The following KCNB2 variants were observed in gnomAD, a reference collection of about 807,000 sequenced individuals.
KCNB2 encodes potassium voltage-gated channel subfamily B member 2, also known as delayed rectifier potassium channel protein.
KCNB2 carries 15 observed loss-of-function variants against 61.5 expected under a neutral mutation model. The observed-to-expected ratio is 0.24, with a 90% CI of 0.16 to 0.38. The LOEUF is 0.38. Ranked by LOEUF, KCNB2 falls within the 10% of genes least tolerant of loss-of-function variation. KCNB2 has a pLI of 1.00. For synonymous variants in KCNB2, 457 were observed against 446.0 expected, an observed-to-expected ratio of 1.02 and a Z score of -0.31; for missense variants, 828 against 1,125.2, an observed-to-expected ratio of 0.74 and a Z score of 3.78.
chr8:72,716,793 G>C (rs574065372), intron 2 of KCNB2, among the ~76,000 whole-genome samples: 56 of 152,222 alleles, frequency 3.7e-4, no homozygotes, highest in African/African-American at 1.3e-3. Flanking sequence ...ATTCAACATA[G>C]TGTTGGAAGT....
At chr8:72,910,274 G>A (rs1056530169) in intron 2 of KCNB2, among the ~76,000 whole-genome samples, 1 of 152,186 alleles carries the variant, frequency 6.6e-6, no homozygotes, top group Non-Finnish European at 1.5e-5. Context: ...GGTGGCAGTG[G>A]TGGTAGTGCC....
intron 2 of KCNB2, among the ~76,000 whole-genome samples, chr8:72,602,950 A>C (rs1354136783): frequency 6.6e-6 from 1 of 151,810 alleles, no homozygotes; most frequent in Admixed American, 6.6e-5. Context: ...GAGGTTAAGC[A>C]CTAAAAAAAA....
chr8:72,798,554 T>C (rs1809069640), intron 2 of KCNB2, among the ~76,000 whole-genome samples: 1 of 152,134 alleles, frequency 6.6e-6, no homozygotes. Context: ...CTACCTCCCG[T>C]AACTTGGGAA....
chr8:72,753,651 C>G (rs896343912), intron 2 of KCNB2, among the ~76,000 whole-genome samples: 13 of 152,160 alleles, frequency 8.5e-5, no homozygotes, highest in Non-Finnish European at 1.3e-4. Context: ...AAAGCAGGCT[C>G]CATGAGCTTG....
At chr8:72,823,595 G>C (rs942997123) in intron 2 of KCNB2, among the ~76,000 whole-genome samples, 1 of 152,194 alleles carries the variant, frequency 6.6e-6, no homozygotes, top group Non-Finnish European at 1.5e-5. Flanking sequence ...TCAAGTTGTT[G>C]AAACTAAATT....
At chr8:72,734,217 T>C (rs544278117) in intron 2 of KCNB2, among the ~76,000 whole-genome samples, 10 of 152,342 alleles carry the variant, frequency 6.6e-5, no homozygotes, top group African/African-American at 2.4e-4. Context: ...TCAAAGGTGC[T>C]TCATATTGTC....
intron 2 of KCNB2, among the ~76,000 whole-genome samples, chr8:72,668,557 G>A (rs1806515567): frequency 6.6e-6 from 1 of 152,124 alleles, no homozygotes; most frequent in Non-Finnish European, 1.5e-5. Flanking sequence ...AGTTCCTAGA[G>A]CAGACCAAAG....
intron 2 of KCNB2, among the ~76,000 whole-genome samples, chr8:72,701,974 A>C (rs557781616): frequency 1.3e-5 from 2 of 152,248 alleles, no homozygotes; most frequent in South Asian, 4.1e-4. Flanking sequence ...TGAAAGATTA[A>C]GATTACAGGA....
chr8:72,651,187 G>A (rs370495404), intron 2 of KCNB2, among the ~76,000 whole-genome samples: 1 of 152,254 alleles, frequency 6.6e-6, no homozygotes, highest in African/African-American at 2.4e-5. Flanking sequence ...TTTAGAGTGT[G>A]TGCATGAGGC....
intron 2 of KCNB2, among the ~76,000 whole-genome samples, chr8:72,806,405 C>T (rs573790951): frequency 6.8e-6 from 1 of 146,406 alleles, no homozygotes; most frequent in East Asian, 2.0e-4. Flanking sequence ...GAGATCCAGA[C>T]CATCATCCTG....
At chr8:72,725,621 A>ATGTATGTG (rs1585855335) in intron 2 of KCNB2, among the ~76,000 whole-genome samples, 2 of 137,550 alleles carry the variant, frequency 1.5e-5, no homozygotes, top group Admixed American at 7.4e-5. Context: ...ATATATATAT[A>ATGTATGTG]TGCATTCTTC....
intron 2 of KCNB2, among the ~76,000 whole-genome samples, chr8:72,898,408 G>A (rs562499716): frequency 9.9e-5 from 15 of 151,834 alleles, no homozygotes; most frequent in South Asian, 8.3e-4. Context: ...TAACCTGCAC[G>A]TTGTGTACAT....
chr8:72,897,048 C>T (rs1208849057), intron 2 of KCNB2, among the ~76,000 whole-genome samples: 5 of 152,072 alleles, frequency 3.3e-5, no homozygotes, highest in Non-Finnish European at 5.9e-5. Context: ...AATGCATTTT[C>T]TAGATTCTAG....
intron 2 of KCNB2, among the ~76,000 whole-genome samples, chr8:72,825,591 A>G (rs953463393): frequency 3.9e-5 from 6 of 152,172 alleles, no homozygotes; most frequent in African/African-American, 1.4e-4. Flanking sequence ...AGTCATTTCA[A>G]TGGGTGTGAA....
chr8:72,711,106 G>A lies in KCNB2; in HGVS notation c.579+142793G>A, dbSNP rs138601789. ...ACTGCAGGACCCTGACTGATGGAGC[G>A]CCAGTATCTAGAAAGTTGCTGATTC... On this transcript the variant is annotated intron_variant, in intron 2 of 2. Transcript: ENST00000523207. Among the ~76,000 whole-genome samples, 74 of 152,332 alleles carry A rather than the reference G, an allele frequency of 4.9e-4. 1 individual carries two copies. The highest frequency in any genetic ancestry group is 1.7e-3 in the African/African-American group (69 of 41,580).
intron 2 of KCNB2, among the ~76,000 whole-genome samples, chr8:72,782,866 T>C (rs192644601): frequency 6.6e-6 from 1 of 152,320 alleles, no homozygotes; most frequent in Admixed American, 6.5e-5. Context: ...TCTTTTTCTT[T>C]TTCTGCATTT....
chr8:72,717,116 G>A (rs1008170527), intron 2 of KCNB2, among the ~76,000 whole-genome samples: 4 of 152,104 alleles, frequency 2.6e-5, no homozygotes, highest in Non-Finnish European at 5.9e-5. Context: ...GGATGTGAAG[G>A]ACCTCTTCAA....
intron 2 of KCNB2, among the ~76,000 whole-genome samples, chr8:72,744,335 C>T (rs1808021350): frequency 6.6e-6 from 1 of 152,112 alleles, no homozygotes. Flanking sequence ...TACCACCTAC[C>T]ACAGTGAGCA....
intron 2 of KCNB2, among the ~76,000 whole-genome samples, chr8:72,900,382 CA>C (rs1370925636): frequency 1.3e-5 from 2 of 152,050 alleles, no homozygotes; most frequent in Admixed American, 6.6e-5. Flanking sequence ...AGAACTCAAA[CA>C]ATAAAAATCC....
Sources: gnomAD v4.1 joint callset for allele counts (sites outside exome capture counted in the v4.1 genomes callset) on GRCh38, gnomAD v4.1.1 for gene constraint, MANE v1.5 for transcripts, NCBI Gene and HGNC (gene_info 2026-07-23, HGNC 2026-07-21) for gene names.